The following AGBL4 variants were observed in gnomAD, a reference collection of about 807,000 sequenced individuals.
AGBL4 encodes the protein cytosolic carboxypeptidase 6.
A neutral mutation model predicts 66.4 loss-of-function variants in AGBL4; 58 were observed. That is an observed-to-expected ratio of 0.87 (90% CI 0.71 to 1.09). AGBL4 has a LOEUF of 1.09. Among genes scored for constraint, AGBL4 ranks in the 50% least tolerant of loss-of-function variants. The pLI is 0.00. For synonymous variants in AGBL4, 234 were observed against 222.9 expected, an observed-to-expected ratio of 1.05 and a Z score of -0.44; for missense variants, 579 against 631.0, an observed-to-expected ratio of 0.92 and a Z score of 0.88.
In AGBL4 at chr1:49,773,911, G is replaced by A. The variant is rs926694047; in HGVS notation, c.158-76474C>T. ...CATCTGTTCAGACATCAGAGTCCCA[G>A]TCATTCCTTTGGGCCTAGGTTCTAG... On this transcript the variant is annotated intron_variant, in intron 2 of 13. Transcript: ENST00000371839. Among the ~76,000 whole-genome samples the A allele has an allele frequency of 4.6e-5, 7 of 152,308 alleles. No homozygotes were observed. In the South Asian group the frequency reaches 1.2e-3, roughly 27 times the overall value.
At chr1:49,847,156 G>C (rs1571704797) in intron 2 of AGBL4, among the ~76,000 whole-genome samples, 1 of 152,072 alleles carries the variant, frequency 6.6e-6, no homozygotes, top group East Asian at 1.9e-4. Context: ...ACATACATTG[G>C]GAAGAGGACA....
At chr1:49,104,494 A>G (rs545226758) in intron 4 of AGBL4, among the ~76,000 whole-genome samples, 2 of 152,208 alleles carry the variant, frequency 1.3e-5, no homozygotes, top group Non-Finnish European at 2.9e-5. Context: ...CCTTCATTTA[A>G]TATTGACACT....
intron 6 of AGBL4, among the ~76,000 whole-genome samples, chr1:48,754,649 A>G (rs994476622): frequency 9.9e-5 from 15 of 152,202 alleles, no homozygotes; most frequent in Admixed American, 3.9e-4. Context: ...AAGTTTACAT[A>G]TGCAAATTAC....
intron 3 of AGBL4, among the ~76,000 whole-genome samples, chr1:49,382,136 T>G (rs922606907): frequency 2.0e-5 from 3 of 152,138 alleles, no homozygotes; most frequent in African/African-American, 4.8e-5. Flanking sequence ...CACTGAGAAG[T>G]AAATTTCCAT....
intron 3 of AGBL4, among the ~76,000 whole-genome samples, chr1:49,414,067 T>G (rs188901926): frequency 4.6e-5 from 7 of 152,268 alleles, no homozygotes; most frequent in Admixed American, 4.6e-4. Context: ...CCTTAAAAGG[T>G]AGAATAATGA....
At chr1:49,568,090 T>C (rs1177179367) in intron 3 of AGBL4, among the ~76,000 whole-genome samples, 1 of 152,108 alleles carries the variant, frequency 6.6e-6, no homozygotes, top group African/African-American at 2.4e-5. Flanking sequence ...CTCCTGTTAG[T>C]ATTGGAATAC....
intron 4 of AGBL4, among the ~76,000 whole-genome samples, chr1:49,116,938 T>C (rs1645536921): frequency 6.6e-6 from 1 of 152,236 alleles, no homozygotes; most frequent in African/African-American, 2.4e-5. Context: ...TGAAATCTCA[T>C]TGTGGTTTTC....
At chr1:49,777,057 G>A (rs1314927690) in intron 2 of AGBL4, among the ~76,000 whole-genome samples, 2 of 152,038 alleles carry the variant, frequency 1.3e-5, no homozygotes, top group African/African-American at 2.4e-5. Flanking sequence ...AGGACCATAC[G>A]GTATGAAAAG....
At chr1:48,608,889 G>A (rs886236714) in intron 9 of AGBL4, among the ~76,000 whole-genome samples, 1 of 152,002 alleles carries the variant, frequency 6.6e-6, no homozygotes, top group African/African-American at 2.4e-5. Flanking sequence ...CATTTGTATG[G>A]TACTTTGTAA....
chr1:48,730,302 T>C (rs565772695), intron 6 of AGBL4, among the ~76,000 whole-genome samples: 32 of 152,178 alleles, frequency 2.1e-4, no homozygotes, highest in Non-Finnish European at 3.8e-4. Flanking sequence ...CAAACTGTGA[T>C]GAGAACTGCT....
chr1:49,291,363 A>G (rs1040994681), intron 3 of AGBL4, among the ~76,000 whole-genome samples: 8 of 152,188 alleles, frequency 5.3e-5, no homozygotes. Flanking sequence ...TGATGAGGAC[A>G]TTACAAGAAA....
chr1:48,671,644 T>C (rs1311719919), intron 6 of AGBL4, among the ~76,000 whole-genome samples: 1 of 152,198 alleles, frequency 6.6e-6, no homozygotes. Flanking sequence ...ACTTGATGCA[T>C]AGTAAGTGTT....
intron 4 of AGBL4, among the ~76,000 whole-genome samples, chr1:49,178,678 C>T (rs190221642): frequency 1.5e-3 from 228 of 152,218 alleles, no homozygotes; most frequent in African/African-American, 5.3e-3. Flanking sequence ...GAACAAGGAC[C>T]ATTCCTGCTT....
At chr1:48,704,939 C>T (rs980790710) in intron 6 of AGBL4, among the ~76,000 whole-genome samples, 5 of 152,166 alleles carry the variant, frequency 3.3e-5, no homozygotes, top group Admixed American at 6.5e-5. Flanking sequence ...TTTATATGAC[C>T]GGCAGCACAG....
At chr1:49,642,339 G>C (rs1645798437) in intron 3 of AGBL4, among the ~76,000 whole-genome samples, 1 of 151,898 alleles carries the variant, frequency 6.6e-6, no homozygotes, top group African/African-American at 2.4e-5. Flanking sequence ...CAAATCATTT[G>C]AGCCCTATGA....
chr1:49,219,579 C>T (rs1047998880), intron 4 of AGBL4, among the ~76,000 whole-genome samples: 4 of 152,038 alleles, frequency 2.6e-5, no homozygotes, highest in Non-Finnish European at 5.9e-5. Flanking sequence ...TTACTGTAGG[C>T]AAAGGATTCA....
chr1:49,683,022 T>A (rs974088008), intron 3 of AGBL4, among the ~76,000 whole-genome samples: 1 of 152,198 alleles, frequency 6.6e-6, no homozygotes, highest in Non-Finnish European at 1.5e-5. Flanking sequence ...ATCCCAGGTC[T>A]TAGACTGATG....
intron 10 of AGBL4, among the ~76,000 whole-genome samples, chr1:48,587,766 C>T (rs977464599): frequency 4.0e-5 from 6 of 151,300 alleles, no homozygotes; most frequent in African/African-American, 2.4e-5. Context: ...CCTCAGCCTC[C>T]TGAGTAGCTG....
intron 4 of AGBL4, among the ~76,000 whole-genome samples, chr1:49,107,372 A>G (rs1218751322): frequency 6.6e-6 from 1 of 152,160 alleles, no homozygotes; most frequent in Non-Finnish European, 1.5e-5. Flanking sequence ...TTTCAATGTA[A>G]TATTTTCAAC....
Sources: allele counts gnomAD v4.1 joint callset (sites outside exome capture counted in the v4.1 genomes callset), GRCh38; gene constraint gnomAD v4.1.1; transcripts MANE v1.5; gene names NCBI Gene and HGNC (gene_info 2026-07-23, HGNC 2026-07-21).